ZNF618: variants seen among roughly 807,000 people sequenced by gnomAD.
ZNF618 encodes the protein zinc finger protein 618, also known as neural precursor cell expressed, developmentally down-regulated 10.
In ZNF618, 34 loss-of-function variants were observed where a neutral mutation model predicts 103.0. That is an observed-to-expected ratio of 0.33 (90% CI 0.25 to 0.44). The LOEUF is 0.44. Among genes scored for constraint, ZNF618 ranks in the 20% least tolerant of loss-of-function variants. The pLI is 1.00. For missense variants in ZNF618, 1,059 were observed against 1,295.4 expected, an observed-to-expected ratio of 0.82 and a Z score of 2.80; for synonymous variants, 551 against 542.2, an observed-to-expected ratio of 1.02 and a Z score of -0.23.
chr9:113,969,649 G>T (rs909280428), intron 2 of ZNF618, among the ~76,000 whole-genome samples: 32 of 152,240 alleles, frequency 2.1e-4, no homozygotes, highest in Non-Finnish European at 3.4e-4. Context: ...TGGCAGGAGA[G>T]GGGAGAGGGG....
intron 4 of ZNF618, among the ~76,000 whole-genome samples, chr9:114,000,061 G>A (rs1841028456): frequency 6.6e-6 from 1 of 152,154 alleles, no homozygotes; most frequent in Admixed American, 6.5e-5. Flanking sequence ...TGTCCTCCAC[G>A]TGATTGTATT....
At chr9:113,989,586 G>A (rs1171258658) in intron 3 of ZNF618, among the ~76,000 whole-genome samples, 3 of 152,198 alleles carry the variant, frequency 2.0e-5, no homozygotes, top group Admixed American at 1.3e-4. Flanking sequence ...CCAAGGCTCA[G>A]TGTGTTCTTA....
Position 113,893,278 on chromosome 9 carries a change from A to G in ZNF618, c.33+16865A>G, listed in dbSNP as rs116963175. Reference sequence around the variant, plus strand: ...CAAAACATGCTATGGACGTGCCAGTATCTTTCCCTAGGGACTATATAAGTA... The same window carrying G: ...CAAAACATGCTATGGACGTGCCAGTGTCTTTCCCTAGGGACTATATAAGTA... On this transcript the variant is annotated intron_variant, in intron 1 of 14. Coordinates refer to ENST00000374126, the MANE Select transcript of ZNF618 (RefSeq NM_001318042.2). Among the ~76,000 whole-genome samples the G allele has an allele frequency of 4.2e-3, 647 of 152,344 alleles. 1 individual carries two copies. The highest frequency in any genetic ancestry group is 0.019 in the South Asian group (90 of 4,830).
chr9:113,971,200 C>T (rs7047767), intron 2 of ZNF618, among the ~76,000 whole-genome samples: 8,106 of 151,814 alleles, frequency 0.053, 557 homozygotes, highest in African/African-American at 0.16. Flanking sequence ...GGAAGTGTTT[C>T]TTGGATCAGG....
chr9:113,895,062 A>G (rs549224963), intron 1 of ZNF618, among the ~76,000 whole-genome samples: 172 of 150,912 alleles, frequency 1.1e-3, no homozygotes, highest in Middle Eastern at 3.4e-3. Flanking sequence ...CAAGTATGAT[A>G]TTTTATTTTG....
At chr9:114,030,992 CT>C in intron 11 of ZNF618, 1 of 152,258 alleles carries the variant, frequency 6.6e-6, no homozygotes. Flanking sequence ...CACACAAGGC[CT>C]TTTTCAAAAG....
intron 1 of ZNF618, among the ~76,000 whole-genome samples, chr9:113,913,293 G>T (rs961270252): frequency 6.6e-6 from 1 of 152,262 alleles, no homozygotes; most frequent in Non-Finnish European, 1.5e-5. Context: ...TAACTGGTAA[G>T]TGGTAGAGTT....
At chr9:114,032,472 A>C (rs2134252308) in intron 11 of ZNF618, among the ~76,000 whole-genome samples, 173 bp from the exon 12 acceptor site, 1 of 152,184 alleles carries the variant, frequency 6.6e-6, no homozygotes, top group Admixed American at 6.5e-5. Context: ...GGCCCTGCCA[A>C]GGGACTAGGC....
intron 1 of ZNF618, among the ~76,000 whole-genome samples, chr9:113,943,640 C>A (rs1045992664): frequency 4.6e-5 from 7 of 151,516 alleles, no homozygotes; most frequent in African/African-American, 1.7e-4. Flanking sequence ...TTATGTAAAA[C>A]CTCCCAAAAT....
intron 10 of ZNF618, among the ~76,000 whole-genome samples, chr9:114,023,283 T>G (rs1373251278): frequency 1.3e-5 from 2 of 152,200 alleles, no homozygotes; most frequent in African/African-American, 4.8e-5. Flanking sequence ...CATAACTCTT[T>G]TTCTTTAGTG....
chr9:114,017,530 G>T (rs997412817), intron 10 of ZNF618, among the ~76,000 whole-genome samples: 2 of 152,144 alleles, frequency 1.3e-5, no homozygotes, highest in African/African-American at 4.8e-5. Context: ...TGAGCTAGGG[G>T]GCCCATCAGC....
chr9:113,924,424 C>CTTTT (rs869300538), intron 1 of ZNF618, among the ~76,000 whole-genome samples: 4 of 67,210 alleles, frequency 6.0e-5, no homozygotes, highest in South Asian at 9.3e-4. Context: ...TCTTCTTCTT[C>CTTTT]TTTTTTTTTT....
rs12683020 is a variant in ZNF618, at chr9:114,052,381, A to G, written c.*2214A>G. On this transcript the variant is annotated 3_prime_UTR_variant, in exon 15 of 15. Transcript: ENST00000374126. ...AGAAGTTCTAGGTATTACCTCCACAACATTTCCAACTGGGGGACTGAGCCC... is the reference window on the plus strand; with the variant it reads ...AGAAGTTCTAGGTATTACCTCCACAGCATTTCCAACTGGGGGACTGAGCCC... 0.21 allele frequency: 31,988 copies of G among 152,538 alleles called. 4,429 individuals are homozygous for G. The highest frequency in any genetic ancestry group is 0.58 in the East Asian group (3,008 of 5,170). The allele number at this position is 152,538 out of a possible 1,614,324, so 9.4% of individuals were successfully genotyped here.
chr9:113,903,588 G>A lies in ZNF618; in HGVS notation c.33+27175G>A, dbSNP rs373269082. On this transcript the variant is annotated intron_variant, in intron 1 of 14. Coordinates refer to ENST00000374126, the MANE Select transcript of ZNF618 (RefSeq NM_001318042.2). Reference sequence around the variant, plus strand: ...TCCCAGTTTTCTGGCTGTTATAACCGGAGAACCAGTGCTTCCTATGTAGGT... The same window carrying A: ...TCCCAGTTTTCTGGCTGTTATAACCAGAGAACCAGTGCTTCCTATGTAGGT... Among the ~76,000 whole-genome samples the A allele has an allele frequency of 7.2e-5, 11 of 151,960 alleles. No individual in the cohort carries two copies. In the East Asian group the frequency reaches 2.1e-3, roughly 29 times the overall value.
At chr9:114,045,222 A>G (rs775173965) in intron 13 of ZNF618, among the ~76,000 whole-genome samples, 9 of 151,740 alleles carry the variant, frequency 5.9e-5, no homozygotes, top group African/African-American at 1.2e-4. Context: ...CCATTCATCT[A>G]TTTTTTTCTG....
rs562511131 is a variant in ZNF618 at position 113,918,202 on chromosome 9, C to A, written c.33+41789C>A. Among the ~76,000 whole-genome samples, 8 of 152,202 alleles carry A rather than the reference C, an allele frequency of 5.3e-5. No individual in the cohort carries two copies. In the South Asian group the frequency reaches 1.7e-3, roughly 32 times the overall value. ...GGGTATGCATTTCCGGCAAGAATAC[C>A]CCAGAAGTGATGCTGTTTTCTTCTC... is the stretch of plus-strand genomic sequence containing the variant. On this transcript the variant is annotated intron_variant, in intron 1 of 14. Coordinates refer to ENST00000374126, the MANE Select transcript of ZNF618 (RefSeq NM_001318042.2).
At chr9:113,926,692 G>C (rs1833126260) in intron 1 of ZNF618, among the ~76,000 whole-genome samples, 1 of 152,068 alleles carries the variant, frequency 6.6e-6, no homozygotes, top group Non-Finnish European at 1.5e-5. Context: ...TTTTCCATTA[G>C]AGCACTTTGT....
intron 1 of ZNF618, among the ~76,000 whole-genome samples, chr9:113,914,545 C>A (rs2131516949): frequency 6.6e-6 from 1 of 152,288 alleles, no homozygotes; most frequent in South Asian, 2.1e-4. Context: ...TGCAGTTGAC[C>A]TTTCCAAAAG....
intron 2 of ZNF618, among the ~76,000 whole-genome samples, chr9:113,977,588 A>G (rs961164854): frequency 1.3e-5 from 2 of 152,154 alleles, no homozygotes; most frequent in African/African-American, 4.8e-5. Flanking sequence ...TCTGTTGGGG[A>G]TATTCTATCT....
Sources: gnomAD v4.1 joint callset for allele counts (sites outside exome capture counted in the v4.1 genomes callset) on GRCh38, gnomAD v4.1.1 for gene constraint, MANE v1.5 for transcripts, NCBI Gene and HGNC (gene_info 2026-07-23, HGNC 2026-07-21) for gene names.